Variants in USP6NL observed in about 807,000 individuals in gnomAD.
The protein encoded by USP6NL is USP6 N-terminal-like protein.
In USP6NL, 26 loss-of-function variants were observed where a neutral mutation model predicts 61.9. The ratio of observed to expected loss-of-function variants is 0.42; its 90% CI spans 0.31 to 0.58. USP6NL has a LOEUF of 0.58. Among genes scored for constraint, USP6NL ranks in the 20% least tolerant of loss-of-function variants. USP6NL has a pLI of 0.16. For missense variants in USP6NL, 1,114 were observed against 1,034.3 expected, an observed-to-expected ratio of 1.08 and a Z score of -1.06; for synonymous variants, 432 against 390.1, an observed-to-expected ratio of 1.11 and a Z score of -1.27.
Position 11,592,168 on chromosome 10 carries a change from G to A in USP6NL, c.4+5463C>T, listed in dbSNP as rs993640660. Among the ~76,000 whole-genome samples the A allele has an allele frequency of 3.3e-5, 5 of 152,072 alleles. No individual in the cohort carries two copies. Among genetic ancestry groups the A allele is most frequent in the African/African-American group, 7.2e-5 (3 of 41,404 alleles). On this transcript the variant is annotated intron_variant, in intron 2 of 14. Coordinates refer to ENST00000609104, the MANE Select transcript of USP6NL (RefSeq NM_014688.5). This position sits in a 1 kb window ranked among gnomAD's most constrained non-coding sequence, Gnocchi z 4.7. ...ATTACAGCCGTGAGCCACCACACTC[G>A]GCCTCAGAATTACTCACTTTTCTAC...
In USP6NL at chr10:11,470,246, G is replaced by A. The variant is rs1832679465; in HGVS notation, c.1079-6397C>T. 6.6e-6 allele frequency among the ~76,000 whole-genome samples: 1 copy of A among 152,146 alleles called. No individual in the cohort carries two copies. The highest frequency in any genetic ancestry group is 6.5e-5 in the Admixed American group (1 of 15,288). ...CATGAGGATGGAGAAGGTGGAGGAT[G>A]GAGGCAGCCGCAGGGAACCTCATGG... On this transcript the variant is annotated intron_variant, in intron 14 of 14. Transcript: ENST00000609104. This position sits in a 1 kb window ranked among gnomAD's most constrained non-coding sequence, Gnocchi z 5.4.
At chr10:11,538,241 CT>C (rs967618706) in intron 2 of USP6NL, among the ~76,000 whole-genome samples, 38 of 151,290 alleles carry the variant, frequency 2.5e-4, no homozygotes, top group African/African-American at 6.5e-4. Context: ...ACAGAGAAGC[CT>C]TTTTTTTTCT....
At chr10:11,509,564 T>C (rs1223422373) in intron 6 of USP6NL, 31 bp downstream of exon 6, 2 of 1,487,374 alleles carry the variant, frequency 1.3e-6, no homozygotes, top group Non-Finnish European at 9.1e-7. Context: ...GTTTATATAG[T>C]TTCATATGGA....
rs1040363126 is a variant in USP6NL, at chr10:11,540,789, G to A, written c.5-13222C>T. ...TAAAATGACACTCAAAAACAAGAAC[G>A]AGGTATTGCCTAGAACAACTGAGAA... On this transcript the variant is annotated intron_variant, in intron 2 of 14. Transcript: ENST00000609104. The surrounding 1 kb of genome is among the most constrained non-coding windows in gnomAD (Gnocchi z 5.0). Among the ~76,000 whole-genome samples the A allele has an allele frequency of 3.3e-5, 5 of 152,168 alleles. No individual in the cohort carries two copies. The highest frequency in any genetic ancestry group is 3.4e-3 in the Middle Eastern group (1 of 294).
intron 2 of USP6NL, among the ~76,000 whole-genome samples, chr10:11,579,443 T>C (rs1487057263): frequency 1.3e-5 from 2 of 152,234 alleles, no homozygotes; most frequent in Non-Finnish European, 2.9e-5. Context: ...TGAAGTTTCT[T>C]GCCAGTACTA....
intron 6 of USP6NL, among the ~76,000 whole-genome samples, chr10:11,503,821 C>T (rs1215159032): frequency 6.6e-6 from 1 of 152,018 alleles, no homozygotes; most frequent in African/African-American, 2.4e-5. Flanking sequence ...CAACGTAGAA[C>T]GTGAATCACA....
rs1291587411 is a variant in USP6NL at position 11,487,194 on chromosome 10, C to T, written c.665-1283G>A. On this transcript the variant is annotated intron_variant, in intron 10 of 14. Coordinates refer to ENST00000609104, the MANE Select transcript of USP6NL (RefSeq NM_014688.5). The surrounding 1 kb of genome is among the most constrained non-coding windows in gnomAD (Gnocchi z 4.2). Reference sequence around the variant, plus strand: ...AGCTCAAGAATGCTAAGAAGCCTAACAGTTCTTCATTTTCCACTGATGTTC... The same window carrying T: ...AGCTCAAGAATGCTAAGAAGCCTAATAGTTCTTCATTTTCCACTGATGTTC... Among the ~76,000 whole-genome samples, 1 of 152,154 alleles carries T rather than the reference C, an allele frequency of 6.6e-6. No individual in the cohort carries two copies. Among genetic ancestry groups the T allele is most frequent in the Non-Finnish European group, 1.5e-5 (1 of 68,022 alleles).
chr10:11,556,809 A>G (rs1836723602), intron 2 of USP6NL, among the ~76,000 whole-genome samples: 1 of 152,212 alleles, frequency 6.6e-6, no homozygotes. Context: ...AGTTTACACC[A>G]TAATGGAAGA....
chr10:11,479,515 A>C (rs959881434), intron 14 of USP6NL, among the ~76,000 whole-genome samples: 3 of 151,510 alleles, frequency 2.0e-5, no homozygotes, highest in African/African-American at 7.3e-5. Context: ...GGGAGTTCAC[A>C]CTGCCACATT....
In USP6NL at chr10:11,575,904, G is replaced by C. The variant is rs76943783; in HGVS notation, c.4+21727C>G. Among the ~76,000 whole-genome samples the C allele has an allele frequency of 6.6e-5, 10 of 152,300 alleles. No individual in the cohort carries two copies. Among genetic ancestry groups the C allele is most frequent in the Non-Finnish European group, 1.0e-4 (7 of 68,032 alleles). On this transcript the variant is annotated intron_variant, in intron 2 of 14. Transcript: ENST00000609104. The surrounding 1 kb of genome is among the most constrained non-coding windows in gnomAD (Gnocchi z 4.2). ...CAGATTAGATAGTAGGCCAAAAAGG[G>C]TGAGGGGAAATACGGGACATTTTGG...
intron 2 of USP6NL, among the ~76,000 whole-genome samples, chr10:11,558,684 T>G (rs1836809679): frequency 6.6e-6 from 1 of 152,222 alleles, no homozygotes; most frequent in South Asian, 2.1e-4. Context: ...TTATCACATC[T>G]ATTTACCTCA....
At position 11,463,310 on chromosome 10, in the gene USP6NL, C is replaced by T. The variant is rs928262464; in HGVS notation, c.1618G>A (p.Glu540Lys). 3.1e-6 allele frequency: 5 copies of T among 1,613,816 alleles called. No homozygotes were observed. The African/African-American group carries it at 6.7e-5, about 22-fold the overall frequency. Reference sequence around the variant, plus strand: ...GCAGTGGAGCCCCGCTTCCCGTCCTCAGCATCCAGGGCCTTCATCTTTGGC... The same window carrying T: ...GCAGTGGAGCCCCGCTTCCCGTCCTTAGCATCCAGGGCCTTCATCTTTGGC... ...VRPKMKALDA[E>K]DGKRGSTASQ... The change falls in exon 15 of 15, where the codon GAG (glutamate) becomes AAG (lysine). Residue 540 changes from glutamate to lysine, a missense_variant. By Grantham distance (56) the Glu-to-Lys change is moderately conservative. Coordinates refer to ENST00000609104, the MANE Select transcript of USP6NL (RefSeq NM_014688.5). The surrounding 1 kb of genome is among the most constrained non-coding windows in gnomAD (Gnocchi z 6.3).
intron 2 of USP6NL, among the ~76,000 whole-genome samples, chr10:11,594,876 C>T: frequency 6.6e-6 from 1 of 152,170 alleles, no homozygotes; most frequent in East Asian, 1.9e-4. Context: ...CCTCAAGGAG[C>T]ACACAGATTA....
At position 11,593,991 on chromosome 10, in the gene USP6NL, G is replaced by A. The variant is rs571692053; in HGVS notation, c.4+3640C>T. On this transcript the variant is annotated intron_variant, in intron 2 of 14. Transcript: ENST00000609104. ...TTCTTTTAATCTCCAGAAAAATATT[G>A]GGGGGGAAAAAAGCTAAGCCATCAT... Among the ~76,000 whole-genome samples, 12 of 152,138 alleles carry A rather than the reference G, an allele frequency of 7.9e-5. No individual in the cohort carries two copies. The East Asian group carries it at 1.3e-3, about 17-fold the overall frequency.
chr10:11,533,895 ACG>A (rs1835745005), intron 2 of USP6NL, among the ~76,000 whole-genome samples: 1 of 152,178 alleles, frequency 6.6e-6, no homozygotes. Context: ...ACTGACAAAG[ACG>A]CTCCTTGACC....
chr10:11,543,803 GTT>G (rs781443038), intron 2 of USP6NL, among the ~76,000 whole-genome samples: 489 of 76,260 alleles, frequency 6.4e-3, no homozygotes, highest in African/African-American at 0.019. Context: ...AAATATTTAG[GTT>G]TTTTTTTTTT....
chr10:11,555,835 G>C (rs188360992), intron 2 of USP6NL, among the ~76,000 whole-genome samples: 1 of 152,148 alleles, frequency 6.6e-6, no homozygotes, highest in East Asian at 1.9e-4. Flanking sequence ...AACTATGAAA[G>C]TCAGAAGATA....
chr10:11,590,497 C>T (rs1838128089), intron 2 of USP6NL, among the ~76,000 whole-genome samples: 1 of 152,100 alleles, frequency 6.6e-6, no homozygotes, highest in South Asian at 2.1e-4. Context: ...GACCATGTAA[C>T]AAATCTCAGT....
At chr10:11,559,718 G>A (rs763143970) in intron 2 of USP6NL, among the ~76,000 whole-genome samples, 65 of 152,298 alleles carry the variant, frequency 4.3e-4, no homozygotes, top group Admixed American at 9.2e-4. Context: ...AAATTGTTGT[G>A]ACTTGATCGT....
Sources: gnomAD v4.1 joint callset for allele counts (sites outside exome capture counted in the v4.1 genomes callset) on GRCh38, gnomAD v4.1.1 for gene constraint, Gnocchi (gnomAD v3.1) non-coding constraint, MANE v1.5 for transcripts, NCBI Gene and HGNC (gene_info 2026-07-23, HGNC 2026-07-21) for gene names.